The following MDGA2 variants were observed in gnomAD, a reference collection of about 807,000 sequenced individuals.
The protein encoded by MDGA2 is MAM domain containing glycosylphosphatidylinositol anchor 2, also known as MAM domain-containing glycosylphosphatidylinositol anchor protein 2.
MDGA2 carries 40 observed loss-of-function variants against 117.8 expected under a neutral mutation model. The ratio of observed to expected loss-of-function variants is 0.34; its 90% CI spans 0.26 to 0.44. The LOEUF is 0.44. Among genes scored for constraint, MDGA2 ranks in the 20% least tolerant of loss-of-function variants. The pLI is 1.00. For synonymous variants in MDGA2, 452 were observed against 439.0 expected, an observed-to-expected ratio of 1.03 and a Z score of -0.37; for missense variants, 1,123 against 1,250.6, an observed-to-expected ratio of 0.90 and a Z score of 1.54.
intron 1 of MDGA2, among the ~76,000 whole-genome samples, chr14:47,534,488 G>A (rs541243944): frequency 6.6e-6 from 1 of 152,258 alleles, no homozygotes; most frequent in East Asian, 1.9e-4. Flanking sequence ...TGGTGGAAGG[G>A]GAAGCAGGCA....
chr14:46,875,402 G>A (rs891016560), intron 12 of MDGA2, among the ~76,000 whole-genome samples: 8 of 151,600 alleles, frequency 5.3e-5, no homozygotes, highest in African/African-American at 1.7e-4. Flanking sequence ...TTTTTTAGAC[G>A]AAACACTTGC....
At chr14:47,393,905 A>G (rs924521038) in intron 1 of MDGA2, among the ~76,000 whole-genome samples, 1 of 152,156 alleles carries the variant, frequency 6.6e-6, no homozygotes, top group African/African-American at 2.4e-5. Context: ...ATAAATATAA[A>G]CGAACATTTG....
chr14:47,023,571 A>T (rs971588917), intron 8 of MDGA2, among the ~76,000 whole-genome samples: 9 of 152,204 alleles, frequency 5.9e-5, no homozygotes, highest in Non-Finnish European at 1.0e-4. Flanking sequence ...AATTCAAACC[A>T]GGTCTTTAAT....
chr14:47,357,028 G>A lies in MDGA2; in HGVS notation c.281-55478C>T, dbSNP rs112275592. 9.6e-3 allele frequency among the ~76,000 whole-genome samples: 1,455 copies of A among 152,278 alleles called. 18 individuals carry two copies. Among genetic ancestry groups the A allele is most frequent in the African/African-American group, 0.032 (1,339 of 41,548 alleles). ...TTTTACTTTTACTTAGCGGAGATTT[G>A]TGGAGAATCCTTATCTTCTCAGTGT... On this transcript the variant is annotated intron_variant, in intron 1 of 16. Coordinates refer to ENST00000399232, the MANE Select transcript of MDGA2 (RefSeq NM_001113498.3).
At chr14:47,639,837 C>A (rs1262844694) in intron 1 of MDGA2, among the ~76,000 whole-genome samples, 1 of 152,126 alleles carries the variant, frequency 6.6e-6, no homozygotes, top group East Asian at 1.9e-4. Flanking sequence ...ACTGCCTGGA[C>A]AATCTCAAAT....
chr14:47,159,612 G>A (rs182427287), intron 3 of MDGA2, among the ~76,000 whole-genome samples: 3 of 152,232 alleles, frequency 2.0e-5, no homozygotes, highest in Admixed American at 6.5e-5. Flanking sequence ...AATTTCAGCC[G>A]TAACAGGCTT....
At chr14:47,016,058 G>A (rs1888071802) in intron 8 of MDGA2, among the ~76,000 whole-genome samples, 1 of 151,938 alleles carries the variant, frequency 6.6e-6, no homozygotes, top group African/African-American at 2.4e-5. Flanking sequence ...TTAGAATACA[G>A]GCAAAAATAT....
intron 1 of MDGA2, among the ~76,000 whole-genome samples, chr14:47,527,619 ACT>A (rs1894999941): frequency 6.6e-6 from 1 of 152,064 alleles, no homozygotes; most frequent in Non-Finnish European, 1.5e-5. Context: ...AAAAGAGGAA[ACT>A]CTGAAGTCTG....
intron 3 of MDGA2, among the ~76,000 whole-genome samples, chr14:47,204,966 CA>C (rs1885630254): frequency 6.6e-6 from 1 of 151,910 alleles, no homozygotes; most frequent in Admixed American, 6.6e-5. Flanking sequence ...CAAATGTAGA[CA>C]AGAGGGCTTC....
chr14:47,571,048 C>G (rs977359620), intron 1 of MDGA2, among the ~76,000 whole-genome samples: 2 of 152,074 alleles, frequency 1.3e-5, no homozygotes, highest in African/African-American at 4.8e-5. Context: ...AGAACTTAAA[C>G]CAATTTACAA....
chr14:47,268,674 T>A lies in MDGA2; in HGVS notation c.420+32737A>T, dbSNP rs191892844. Among the ~76,000 whole-genome samples the A allele has an allele frequency of 3.8e-3, 577 of 152,286 alleles. 7 individuals are homozygous for A. The highest frequency in any genetic ancestry group is 0.013 in the African/African-American group (538 of 41,566). On this transcript the variant is annotated intron_variant, in intron 2 of 16. Coordinates refer to ENST00000399232, the MANE Select transcript of MDGA2 (RefSeq NM_001113498.3). ...TGATCTCTTTGGTGCCAAAACCTTATAATTATGTAACCTTTAGAAACAAAG... is the reference window on the plus strand; with the variant it reads ...TGATCTCTTTGGTGCCAAAACCTTAAAATTATGTAACCTTTAGAAACAAAG...
At chr14:47,617,271 T>G (rs985053721) in intron 1 of MDGA2, among the ~76,000 whole-genome samples, 1 of 151,850 alleles carries the variant, frequency 6.6e-6, no homozygotes, top group Non-Finnish European at 1.5e-5. Context: ...AGTGGCCCAA[T>G]TTCGGCTCAC....
chr14:47,313,611 A>C (rs1390804990), intron 1 of MDGA2, among the ~76,000 whole-genome samples: 1 of 152,144 alleles, frequency 6.6e-6, no homozygotes, highest in East Asian at 1.9e-4. Flanking sequence ...ATGTACTTTC[A>C]AAAACAAGTG....
chr14:46,990,193 T>C (rs116786714), intron 8 of MDGA2, among the ~76,000 whole-genome samples: 26 of 152,158 alleles, frequency 1.7e-4, no homozygotes, highest in African/African-American at 5.8e-4. Context: ...AAATGAGATA[T>C]CATATATGAA....
chr14:47,161,927 CTTTTTTTTTTTTTTTTTTTT>C (rs71112489), intron 3 of MDGA2, among the ~76,000 whole-genome samples: 10 of 52,512 alleles, frequency 1.9e-4, no homozygotes, highest in East Asian at 5.6e-4. Flanking sequence ...TCCCCAGATC[CTTTTTTTTTTTTTTTTTTTT>C]TTTTTTTTTT....
intron 1 of MDGA2, among the ~76,000 whole-genome samples, chr14:47,385,628 C>T (rs2138426568): frequency 6.6e-6 from 1 of 152,246 alleles, no homozygotes; most frequent in Admixed American, 6.5e-5. Context: ...GAGTGAGCAT[C>T]AATGATCCCT....
intron 3 of MDGA2, among the ~76,000 whole-genome samples, chr14:47,182,701 G>C (rs1468874619): frequency 6.6e-6 from 1 of 152,118 alleles, no homozygotes; most frequent in African/African-American, 2.4e-5. Flanking sequence ...GGTAAAATTG[G>C]TCTTTGTAGT....
intron 8 of MDGA2, among the ~76,000 whole-genome samples, chr14:46,976,992 CAG>C (rs1311229013): frequency 6.6e-6 from 1 of 151,784 alleles, no homozygotes; most frequent in South Asian, 2.1e-4. Context: ...GAATTTAAGA[CAG>C]AAGTCAAAAA....
chr14:47,601,016 CAGTATA>C (rs1468051865), intron 1 of MDGA2, among the ~76,000 whole-genome samples: 3 of 152,234 alleles, frequency 2.0e-5, no homozygotes, highest in East Asian at 3.9e-4. Context: ...TCTAGAGTAA[CAGTATA>C]AGTATGTTTT....
Sources: allele counts gnomAD v4.1 joint callset (sites outside exome capture counted in the v4.1 genomes callset), GRCh38; gene constraint gnomAD v4.1.1; transcripts MANE v1.5; gene names NCBI Gene and HGNC (gene_info 2026-07-23, HGNC 2026-07-21).